The following KCNK2 variants were observed in gnomAD, a reference collection of about 807,000 sequenced individuals.
The protein encoded by KCNK2 is potassium two pore domain channel subfamily K member 2, also known as potassium channel subfamily K member 2.
KCNK2 carries 21 observed loss-of-function variants against 40.5 expected under a neutral mutation model. The observed-to-expected ratio is 0.52, with a 90% CI of 0.37 to 0.75. The LOEUF is 0.75. Ranked by LOEUF, KCNK2 falls within the 30% of genes least tolerant of loss-of-function variation. The pLI is 0.00. For synonymous variants in KCNK2, 191 were observed against 202.2 expected (o/e 0.94, Z 0.47); for missense variants, 399 against 531.6 (o/e 0.75, Z 2.45).
intron 1 of KCNK2, among the ~76,000 whole-genome samples, chr1:215,023,330 T>C (rs1374660584): frequency 6.6e-6 from 1 of 152,240 alleles, no homozygotes; most frequent in East Asian, 1.9e-4. Context: ...CTGTGCACTC[T>C]TCTTGACAGA....
At chr1:215,090,624 C>T (rs1659653110) in intron 2 of KCNK2, among the ~76,000 whole-genome samples, 1 of 152,130 alleles carries the variant, frequency 6.6e-6, no homozygotes, top group African/African-American at 2.4e-5. Context: ...ATCTGGTCTT[C>T]ATTTATTTCT....
At chr1:215,091,223 G>A (rs1659681580) in intron 2 of KCNK2, among the ~76,000 whole-genome samples, 1 of 152,142 alleles carries the variant, frequency 6.6e-6, no homozygotes, top group South Asian at 2.1e-4. Flanking sequence ...GAGGGGAATA[G>A]TGGACATTCT....
intron 1 of KCNK2, 72 bp from the exon 2 acceptor site, chr1:215,086,296 C>T (rs76833951): frequency 1.6e-6 from 2 of 1,248,352 alleles, no homozygotes; most frequent in Non-Finnish European, 2.3e-6. Context: ...TTCTCTGACC[C>T]CTTAAAGAAG....
intron 1 of KCNK2, among the ~76,000 whole-genome samples, chr1:215,070,992 A>T (rs936328396): frequency 6.6e-6 from 1 of 152,194 alleles, no homozygotes; most frequent in Non-Finnish European, 1.5e-5. Flanking sequence ...ATGTAATTAA[A>T]TTTTTCTAAT....
intron 6 of KCNK2, among the ~76,000 whole-genome samples, chr1:215,204,017 G>A (rs7530767): frequency 0.83 from 110,563 of 133,096 alleles, 48,111 homozygotes; most frequent in East Asian, 0.99. Context: ...CAGCCTGGGC[G>A]ATAGAGCGAG....
chr1:215,176,024 G>T (rs1368370444), intron 5 of KCNK2, among the ~76,000 whole-genome samples: 2 of 152,084 alleles, frequency 1.3e-5, no homozygotes, highest in Non-Finnish European at 2.9e-5. Flanking sequence ...TAATAGGATT[G>T]CTGTGCTGAA....
Position 215,036,017 on chromosome 1 carries a change from G to A in KCNK2, c.34+30062G>A, listed in dbSNP as rs554357819. On this transcript the variant is annotated intron_variant, in intron 1 of 6. Coordinates refer to the KCNK2 transcript ENST00000391895. ...TTCCTAGTCTACTGTCTTTTGATAT[G>A]CAGAAGGTTTTAATTTTGATGAATT... Among the ~76,000 whole-genome samples the A allele has an allele frequency of 6.6e-5, 10 of 151,574 alleles. No individual in the cohort carries two copies. The East Asian group carries it at 9.7e-4, about 15-fold the overall frequency.
At chr1:215,031,897 T>A (rs1657204311) in intron 1 of KCNK2, among the ~76,000 whole-genome samples, 1 of 152,164 alleles carries the variant, frequency 6.6e-6, no homozygotes, top group African/African-American at 2.4e-5. Flanking sequence ...TTACAGTTAA[T>A]CCCAGTCCAC....
rs141833487 is a variant in KCNK2 at position 215,208,424 on chromosome 1, A to G, written c.963+13332A>G. ...GGGTACCGGGCTTAATACCTTGGTG[A>G]TGAAATATTCTGTACAACAAATCCC... On this transcript the variant is annotated intron_variant, in intron 6 of 6. Coordinates refer to ENST00000444842, the MANE Select transcript of KCNK2 (RefSeq NM_001017425.3). 6.8e-4 allele frequency among the ~76,000 whole-genome samples: 103 copies of G among 152,264 alleles called. 1 individual carries two copies. The East Asian group carries it at 0.02, about 29-fold the overall frequency.
intron 6 of KCNK2, among the ~76,000 whole-genome samples, chr1:215,208,926 C>A (rs61818356): frequency 0.032 from 4,807 of 151,950 alleles, 104 homozygotes; most frequent in Admixed American, 0.052. Flanking sequence ...CTCCTGGGTT[C>A]AAGCAATTCT....
Position 215,124,689 on chromosome 1 carries a change from A to C in KCNK2, c.414A>C (p.Gln138His). 1 of 1,613,228 alleles carries C rather than the reference A, an allele frequency of 6.2e-7. No homozygotes were observed. Among genetic ancestry groups the C allele is most frequent in the Middle Eastern group, 1.7e-4 (1 of 6,058 alleles). ...GIIPLGNTSN[Q>H]ISHWDLGSSF... ...TACCGTTAGGAAACACCTCCAATCAAATCAGTCACTGGGATTTGGGAAGTT... is the reference window on the plus strand; with the variant it reads ...TACCGTTAGGAAACACCTCCAATCACATCAGTCACTGGGATTTGGGAAGTT... Residue 138 changes from glutamine (Q) to histidine (H), a missense_variant, in exon 3 of 7, where the codon CAA becomes CAC. Gln to His is a conservative substitution (Grantham distance 24). Transcript: ENST00000444842.
intron 1 of KCNK2, among the ~76,000 whole-genome samples, chr1:215,062,720 C>T (rs1658401607): frequency 6.6e-6 from 1 of 151,698 alleles, no homozygotes; most frequent in Non-Finnish European, 1.5e-5. Flanking sequence ...GCAAATAAGA[C>T]CACAGAAGTT....
chr1:215,207,698 C>T (rs1240622003), intron 6 of KCNK2, among the ~76,000 whole-genome samples: 1 of 152,162 alleles, frequency 6.6e-6, no homozygotes, highest in Non-Finnish European at 1.5e-5. Context: ...TCCAGCATAT[C>T]AAGTTATTTT....
intron 3 of KCNK2, among the ~76,000 whole-genome samples, chr1:215,149,932 T>G (rs753380353): frequency 6.6e-6 from 1 of 152,164 alleles, no homozygotes; most frequent in African/African-American, 2.4e-5. Flanking sequence ...GCATAGACTG[T>G]AGGAAGATAA....
In KCNK2 at chr1:215,094,004, T is replaced by A. The variant is rs151063001; in HGVS notation, c.357+7326T>A. ...GTATATGGTTGGTGCAAATGCGGTT[T>A]TTGTCATTACTTTCAATGGCCAAAA... On this transcript the variant is annotated intron_variant, in intron 2 of 6. Transcript: ENST00000444842. Among the ~76,000 whole-genome samples, 1,210 of 140,986 alleles carry A rather than the reference T, an allele frequency of 8.6e-3. 18 individuals carry two copies. The highest frequency in any genetic ancestry group is 0.03 in the African/African-American group (1,127 of 37,736). 92.5% of individuals were successfully genotyped at this position (140,986 alleles called of 152,430 possible). A position where few individuals can be genotyped will look rare whatever the true frequency, so the allele number is the denominator to read the frequency against.
chr1:215,037,667 G>A (rs766344565), intron 1 of KCNK2, among the ~76,000 whole-genome samples: 7 of 151,902 alleles, frequency 4.6e-5, no homozygotes, highest in Non-Finnish European at 8.8e-5. Context: ...ACTTTTCCTT[G>A]TGGGAGGTTT....
intron 3 of KCNK2, among the ~76,000 whole-genome samples, chr1:215,125,265 A>T (rs1444184189): frequency 6.6e-6 from 1 of 152,156 alleles, no homozygotes; most frequent in East Asian, 1.9e-4. Flanking sequence ...ATATATAAAA[A>T]TTTAACACTG....
chr1:215,083,190 A>T lies in KCNK2; in HGVS notation c.-196A>T. 2 of 1,071,068 alleles carry T rather than the reference A, an allele frequency of 1.9e-6. No homozygotes were observed. The highest frequency in any genetic ancestry group is 1.3e-6 in the Non-Finnish European group (1 of 745,922). The allele number at this position is 1,071,068 out of a possible 1,614,324, so 66.3% of individuals were successfully genotyped here. On this transcript the variant is annotated 5_prime_UTR_variant, in exon 1 of 7. Coordinates refer to ENST00000444842, the MANE Select transcript of KCNK2 (RefSeq NM_001017425.3). Reference sequence around the variant, plus strand: ...CCTTCCCGCGATTTCGTTTCTTCTCACGCTCCCCCCCCCGCCCCCTCCCGC... The same window carrying T: ...CCTTCCCGCGATTTCGTTTCTTCTCTCGCTCCCCCCCCCGCCCCCTCCCGC...
intron 2 of KCNK2, among the ~76,000 whole-genome samples, chr1:215,105,735 T>G (rs1039006769): frequency 6.6e-6 from 1 of 152,034 alleles, no homozygotes; most frequent in Non-Finnish European, 1.5e-5. Flanking sequence ...ACCCCTGCCC[T>G]CCTCCCTTCC....
Sources: gnomAD v4.1 joint callset for allele counts (sites outside exome capture counted in the v4.1 genomes callset) on GRCh38, gnomAD v4.1.1 for gene constraint, MANE v1.5 for transcripts, NCBI Gene and HGNC (gene_info 2026-07-23, HGNC 2026-07-21) for gene names.